AQR: variants seen among roughly 807,000 people sequenced by gnomAD.
AQR encodes aquarius intron-binding spliceosomal factor.
A neutral mutation model predicts 180.5 loss-of-function variants in AQR; 61 were observed. The observed-to-expected ratio is 0.34, with a 90% CI of 0.28 to 0.42. AQR has a LOEUF of 0.42. AQR is among the 10% of genes least tolerant of loss of function. AQR has a pLI of 1.00. For missense variants in AQR, 1,281 were observed against 1,798.3 expected (o/e 0.71, Z 5.20); for synonymous variants, 551 against 588.8 (o/e 0.94, Z 0.93).
At position 34,854,492 on chromosome 15, in the gene AQR, C is replaced by T. The variant is rs1892560196; in HGVS notation, c.*2300G>A. ...ACCCCCACTCTTCCATAGTTGCCACCCTGGTTAAGTCTCTCTGATTGTTTC... is the reference window on the plus strand; with the variant it reads ...ACCCCCACTCTTCCATAGTTGCCACTCTGGTTAAGTCTCTCTGATTGTTTC... On this transcript the variant is annotated 3_prime_UTR_variant, in exon 35 of 35. Transcript: ENST00000156471. 1 of 152,122 alleles carries T rather than the reference C, an allele frequency of 6.6e-6. No homozygotes were observed. Among genetic ancestry groups the T allele is most frequent in the Non-Finnish European group, 1.5e-5 (1 of 68,014 alleles). 9.4% of individuals were successfully genotyped at this position (152,122 alleles called of 1,614,324 possible).
rs1473062605 is a variant in AQR, at chr15:34,876,087, C to T, written c.3166-81G>A. 4 of 1,020,804 alleles carry T rather than the reference C, an allele frequency of 3.9e-6. No individual in the cohort carries two copies. The East Asian group carries it at 7.2e-5, about 18-fold the overall frequency. 63.2% of individuals were successfully genotyped at this position (1,020,804 alleles called of 1,614,324 possible). A position where few individuals can be genotyped will look rare whatever the true frequency, so the allele number is the denominator to read the frequency against. On this transcript the variant is annotated intron_variant, in intron 27 of 34. Transcript: ENST00000156471. ...CATAAACATAATCATCAAAAAAACC[C>T]CAAATAATTTCTGATAAAAACGACA...
intron 6 of AQR, chr15:34,943,084 T>G (rs1894051077): frequency 6.2e-7 from 1 of 1,611,674 alleles, no homozygotes; most frequent in Non-Finnish European, 8.5e-7. Flanking sequence ...GCAAGCATGG[T>G]TAACGTCCCT....
At chr15:34,953,334 G>A (rs569326293) in intron 3 of AQR, among the ~76,000 whole-genome samples, 1 of 152,118 alleles carries the variant, frequency 6.6e-6, no homozygotes, top group African/African-American at 2.4e-5. Flanking sequence ...ATATAGTCAT[G>A]TTTGTCCCAA....
intron 11 of AQR, among the ~76,000 whole-genome samples, chr15:34,930,753 C>T (rs903450165): frequency 3.3e-5 from 5 of 151,450 alleles, no homozygotes; most frequent in African/African-American, 1.2e-4. Context: ...CCAGAGGGAA[C>T]TCCTGAGGTC....
intron 33 of AQR, among the ~76,000 whole-genome samples, chr15:34,861,313 T>C (rs1307295610): frequency 6.6e-6 from 1 of 152,198 alleles, no homozygotes; most frequent in Non-Finnish European, 1.5e-5. Flanking sequence ...GGCCATGCTA[T>C]TATGACTAGG....
Position 34,910,330 on chromosome 15 carries a change from G to T in AQR, c.1485-17C>A. 6.2e-7 allele frequency: 1 copy of T among 1,605,702 alleles called. No homozygotes were observed. The highest frequency in any genetic ancestry group is 2.2e-5 in the East Asian group (1 of 44,716). On this transcript the variant is annotated splice_polypyrimidine_tract_variant and intron_variant, in intron 16 of 34. Coordinates refer to ENST00000156471, the MANE Select transcript of AQR (RefSeq NM_014691.3). Reference sequence around the variant, plus strand: ...TCAGATTGCCTGAAACCAAAGAAATGGATGATTACTCAAACAAAAAATAAT... The same window carrying T: ...TCAGATTGCCTGAAACCAAAGAAATTGATGATTACTCAAACAAAAAATAAT...
chr15:34,904,050 C>T (rs1290949848), intron 19 of AQR, among the ~76,000 whole-genome samples: 2 of 151,632 alleles, frequency 1.3e-5, no homozygotes, highest in Admixed American at 6.6e-5. Context: ...ACCTAATATA[C>T]AAAAAGCAAA....
chr15:34,889,254 GT>G (rs750583128), intron 24 of AQR, among the ~76,000 whole-genome samples: 11 of 152,202 alleles, frequency 7.2e-5, no homozygotes, highest in Non-Finnish European at 1.5e-4. Flanking sequence ...CTTATGGCAT[GT>G]TGTTCTTTGC....
chr15:34,930,460 G>T, intron 11 of AQR, 89 bp from the exon 12 acceptor site: 1 of 693,174 alleles, frequency 1.4e-6, no homozygotes, highest in Non-Finnish European at 2.4e-6. Context: ...GGTTCATACA[G>T]TTTCTCAGAG....
chr15:34,903,013 G>C (rs1893355545), intron 19 of AQR, among the ~76,000 whole-genome samples: 1 of 152,096 alleles, frequency 6.6e-6, no homozygotes, highest in Non-Finnish European at 1.5e-5. Context: ...GGTAGAAAAT[G>C]ATGAGAAGGG....
chr15:34,911,443 T>A (rs551987971), intron 16 of AQR, among the ~76,000 whole-genome samples: 6 of 152,294 alleles, frequency 3.9e-5, no homozygotes, highest in African/African-American at 1.4e-4. Flanking sequence ...TCCACATCCT[T>A]GCAAACACTT....
At chr15:34,878,780 C>A (rs930659497) in intron 27 of AQR, among the ~76,000 whole-genome samples, 1 of 152,148 alleles carries the variant, frequency 6.6e-6, no homozygotes, top group Admixed American at 6.6e-5. Flanking sequence ...CCTGTAATCC[C>A]AGCACTTTGG....
chr15:34,896,226 A>T (rs1284965514), intron 22 of AQR, among the ~76,000 whole-genome samples: 2 of 152,228 alleles, frequency 1.3e-5, no homozygotes, highest in Non-Finnish European at 2.9e-5. Context: ...AAGTGGCCAT[A>T]AGCAATGCAG....
At chr15:34,944,865 G>C (rs1004685415) in intron 5 of AQR, among the ~76,000 whole-genome samples, 1 of 152,160 alleles carries the variant, frequency 6.6e-6, no homozygotes, top group Non-Finnish European at 1.5e-5. Context: ...CTCTTAACTT[G>C]TAAATAATGT....
intron 16 of AQR, 68 bp from the exon 17 acceptor site, chr15:34,910,381 AAACTAGTAAGTAGG>A: frequency 6.5e-7 from 1 of 1,537,426 alleles, no homozygotes; most frequent in Non-Finnish European, 8.9e-7. Context: ...AGACAAGTTA[AAACTAGTAAGTAGG>A]AATACTGTTC....
At chr15:34,909,975 T>C (rs1893474392) in intron 17 of AQR, among the ~76,000 whole-genome samples, 160 bp downstream of exon 17, 2 of 152,188 alleles carry the variant, frequency 1.3e-5, no homozygotes, top group East Asian at 3.8e-4. Context: ...TTAAAACTAA[T>C]AATTAGAAAA....
At chr15:34,874,024 A>C (rs1892858782) in intron 29 of AQR, 25 bp from the exon 30 acceptor site, 1 of 1,574,542 alleles carries the variant, frequency 6.4e-7, no homozygotes, top group Non-Finnish European at 8.6e-7. Context: ...ATTCCCCCAC[A>C]AACAGAAAAT....
intron 9 of AQR, 148 bp from the exon 10 acceptor site, chr15:34,934,783 C>T: frequency 2.1e-6 from 1 of 472,652 alleles, no homozygotes; most frequent in Non-Finnish European, 3.7e-6. Context: ...ATGAGGATCT[C>T]ACATATATAT....
Position 34,934,609 on chromosome 15 carries a change from A to G in AQR, c.745T>C (p.Tyr249His). Residue 249 changes from tyrosine to histidine, a missense_variant, in exon 10 of 35, where the codon TAC becomes CAC. Tyr to His is a moderately conservative substitution (Grantham distance 83). Around this residue, in one of 9 missense-constraint regions of AQR, gnomAD observed 404 missense variants for 490.9 expected, o/e 0.82. Coordinates refer to ENST00000156471, the MANE Select transcript of AQR (RefSeq NM_014691.3). ...ATAAGTTCAATGAATCTTTCACAGT[A>G]ATGAACTTTGTCCATAGTGACAGGT... ...SEPVTMDKVH[Y>H]CERFIELMID... 6.3e-7 allele frequency: 1 copy of G among 1,586,168 alleles called. No homozygotes were observed. Among genetic ancestry groups the G allele is most frequent in the Non-Finnish European group, 8.5e-7 (1 of 1,169,644 alleles).
Sources: gnomAD v4.1 joint callset for allele counts (sites outside exome capture counted in the v4.1 genomes callset) on GRCh38, gnomAD v4.1.1 for gene constraint, gnomAD v4.1.1 regional missense constraint, MANE v1.5 for transcripts, NCBI Gene and HGNC (gene_info 2026-07-23, HGNC 2026-07-21) for gene names.